Variants in TYR observed in about 807,000 individuals in gnomAD.
TYR encodes the protein tyrosinase.
A neutral mutation model predicts 51.5 loss-of-function variants in TYR; 58 were observed. The observed-to-expected ratio is 1.13, with a 90% confidence interval of 0.91 to 1.40. The LOEUF (loss-of-function observed/expected upper bound fraction) is 1.40. TYR is among the 40% of genes most tolerant of loss of function. The probability of loss-of-function intolerance (pLI) is 0.00; values close to 1 mark genes in which losing one functional copy is unlikely to be tolerated. For missense variants in TYR, 732 were observed against 647.4 expected (o/e 1.13, Z -1.42); for synonymous variants, 263 against 235.2 (o/e 1.12, Z -1.08).
intron 3 of TYR, among the ~76,000 whole-genome samples, chr11:89,259,108 T>C (rs1315989274): frequency 6.6e-6 from 1 of 152,096 alleles, no homozygotes; most frequent in African/African-American, 2.4e-5. Flanking sequence ...AGTATTATAA[T>C]GGGTTGAGAA....
intron 1 of TYR, among the ~76,000 whole-genome samples, chr11:89,179,099 T>A (rs1943268145): frequency 6.6e-6 from 1 of 152,138 alleles, no homozygotes; most frequent in Non-Finnish European, 1.5e-5. Context: ...ATTGAATAAA[T>A]GAGTGAATGA....
At chr11:89,204,302 C>T (rs555160417) in intron 2 of TYR, among the ~76,000 whole-genome samples, 3 of 152,160 alleles carry the variant, frequency 2.0e-5, no homozygotes, top group African/African-American at 4.8e-5. Flanking sequence ...GGAGCCAGGT[C>T]GGTGGGGAAC....
At chr11:89,242,492 G>A (rs1252323680) in intron 3 of TYR, among the ~76,000 whole-genome samples, 1 of 152,106 alleles carries the variant, frequency 6.6e-6, no homozygotes, top group African/African-American at 2.4e-5. Flanking sequence ...TTACAGGCAT[G>A]AGCCACTGTG....
intron 3 of TYR, among the ~76,000 whole-genome samples, chr11:89,274,444 C>T (rs556273468): frequency 1.3e-5 from 2 of 151,924 alleles, no homozygotes; most frequent in South Asian, 2.1e-4. Context: ...ATTAAATTGG[C>T]TCCTATATTA....
intron 3 of TYR, among the ~76,000 whole-genome samples, chr11:89,269,463 GT>G (rs11381844): frequency 6.6e-6 from 1 of 151,782 alleles, no homozygotes; most frequent in Admixed American, 6.6e-5. Context: ...GATATTAAAT[GT>G]TTTTTGGAAA....
At chr11:89,179,213 G>A (rs1036348086) in intron 1 of TYR, among the ~76,000 whole-genome samples, 1 of 152,132 alleles carries the variant, frequency 6.6e-6, no homozygotes, top group Non-Finnish European at 1.5e-5. Flanking sequence ...AATTAAAAAT[G>A]CAAATTCCTG....
intron 3 of TYR, among the ~76,000 whole-genome samples, chr11:89,281,189 A>C (rs542692616): frequency 6.6e-6 from 1 of 151,520 alleles, no homozygotes; most frequent in South Asian, 2.1e-4. Context: ...TGAAACTCTG[A>C]CCCCTGTGGC....
chr11:89,179,012 C>G (rs976690936), intron 1 of TYR, among the ~76,000 whole-genome samples: 1 of 152,026 alleles, frequency 6.6e-6, no homozygotes, highest in African/African-American at 2.4e-5. Flanking sequence ...GAACAGAGTA[C>G]TTGATTCATT....
intron 2 of TYR, among the ~76,000 whole-genome samples, chr11:89,202,442 G>A (rs142347598): frequency 6.6e-6 from 1 of 152,094 alleles, no homozygotes; most frequent in East Asian, 1.9e-4. Context: ...TAAATAGTAG[G>A]TCATTGTGTT....
chr11:89,233,327 C>A (rs1944073963), intron 3 of TYR, among the ~76,000 whole-genome samples: 1 of 141,586 alleles, frequency 7.1e-6, no homozygotes, highest in Non-Finnish European at 1.5e-5. Context: ...CTTGCTATTT[C>A]CATGATATCT....
chr11:89,178,741 T>C lies in TYR; in HGVS notation c.788T>C (p.Leu263Pro), dbSNP rs1298206323. The C allele has an allele frequency of 6.2e-7, 1 of 1,613,954 alleles. No homozygotes were observed. The highest frequency in any genetic ancestry group is 8.5e-7 in the Non-Finnish European group (1 of 1,180,004). The change falls in exon 1 of 5, where the codon CTC (leucine) becomes CCC (proline). Residue 263 changes from leucine (L) to proline (P), a missense_variant. Physicochemically the swap from Leu to Pro is moderately conservative, Grantham distance 98. Transcript: ENST00000263321. ...CAGCACCCCACAAATCCTAACTTAC[T>C]CAGCCCAGCATCATTCTTCTCCTCT... The part of the protein sequence containing the change: ...GGQHPTNPNL[L>P]SPASFFSSWQ...
chr11:89,203,058 G>C (rs1407082610), intron 2 of TYR, among the ~76,000 whole-genome samples: 1 of 152,156 alleles, frequency 6.6e-6, no homozygotes, highest in Non-Finnish European at 1.5e-5. Context: ...ATTAAAGTAA[G>C]AAAGTAATAG....
intron 2 of TYR, among the ~76,000 whole-genome samples, chr11:89,216,420 G>C (rs1490546684): frequency 6.6e-6 from 1 of 151,858 alleles, no homozygotes; most frequent in African/African-American, 2.4e-5. Flanking sequence ...TCAAGGCTGA[G>C]GTGCACTGAT....
intron 2 of TYR, chr11:89,200,678 A>T (rs1251836776): frequency 6.6e-6 from 1 of 152,120 alleles, no homozygotes; most frequent in Non-Finnish European, 1.5e-5. Context: ...GTGGAATGAG[A>T]TTACTTTATA....
intron 4 of TYR, among the ~76,000 whole-genome samples, chr11:89,287,713 A>C (rs1222995928): frequency 6.6e-6 from 1 of 151,986 alleles, no homozygotes. Flanking sequence ...AATTTTAAGC[A>C]GGTTATAATC....
chr11:89,228,085 TG>T (rs1944000351), intron 3 of TYR, 115 bp downstream of exon 3: 1 of 1,333,414 alleles, frequency 7.5e-7, no homozygotes, highest in East Asian at 2.3e-5. Flanking sequence ...GTCTATTGTC[TG>T]TGATCAGGTT....
Position 89,177,988 on chromosome 11 carries a change from G to T in TYR, c.35G>T (p.Ser12Ile), listed in dbSNP as rs1283205362. The T allele has an allele frequency of 3.1e-6, 5 of 1,614,058 alleles. No homozygotes were observed. The African/African-American group carries it at 5.3e-5, about 17-fold the overall frequency. ...LLAVLYCLLW[S>I]FQTSAGHFPR... ...GCTGTTTTGTACTGCCTGCTGTGGA[G>T]TTTCCAGACCTCCGCTGGCCATTTC... The change falls in exon 1 of 5, where the codon AGT becomes ATT. Residue 12 changes from serine (S) to isoleucine (I), a missense_variant. Physicochemically the swap from Ser to Ile is moderately radical, Grantham distance 142. Transcript: ENST00000263321.
chr11:89,233,576 A>T (rs1303849061), intron 3 of TYR, among the ~76,000 whole-genome samples: 1 of 141,366 alleles, frequency 7.1e-6, no homozygotes, highest in Non-Finnish European at 1.5e-5. Flanking sequence ...ATACTTCTTA[A>T]ATAAGATTTG....
intron 1 of TYR, among the ~76,000 whole-genome samples, chr11:89,180,490 T>C (rs1037352943): frequency 2.6e-5 from 4 of 152,160 alleles, no homozygotes; most frequent in Non-Finnish European, 5.9e-5. Flanking sequence ...TACTTATTAA[T>C]TGTCAAGCAG....
Sources: gnomAD v4.1 joint callset for allele counts (sites outside exome capture counted in the v4.1 genomes callset) on GRCh38, gnomAD v4.1.1 for gene constraint, MANE v1.5 for transcripts, NCBI Gene and HGNC (gene_info 2026-07-23, HGNC 2026-07-21) for gene names.